Variants in PDE11A observed in about 807,000 individuals in gnomAD.
PDE11A encodes the protein phosphodiesterase 11A.
A neutral mutation model predicts 100.5 loss-of-function variants in PDE11A; 100 were observed. The observed-to-expected ratio is 1.00, with a 90% CI of 0.85 to 1.18. The LOEUF (loss-of-function observed/expected upper bound fraction) is 1.18. Among genes scored for constraint, PDE11A ranks in the 50% most tolerant of loss-of-function variants. The probability of loss-of-function intolerance (pLI) is 0.00; values close to 1 mark genes in which losing one functional copy is unlikely to be tolerated. For missense variants in PDE11A, 1,141 were observed against 1,152.6 expected, an observed-to-expected ratio of 0.99 and a Z score of 0.15; for synonymous variants, 381 against 420.8, an observed-to-expected ratio of 0.91 and a Z score of 1.16.
chr2:178,039,105 G>A (rs1233910749), intron 1 of PDE11A: 1 of 152,000 alleles, frequency 6.6e-6, no homozygotes. Flanking sequence ...CAATAACAAA[G>A]ACATGGAATC....
chr2:177,892,180 C>T (rs1339612172), intron 4 of PDE11A, among the ~76,000 whole-genome samples: 6 of 152,158 alleles, frequency 3.9e-5, no homozygotes, highest in Non-Finnish European at 8.8e-5. Context: ...CTCCCTCATA[C>T]ATTAATGAGT....
intron 16 of PDE11A, 60 bp downstream of exon 16, chr2:177,680,766 A>G: frequency 1.1e-6 from 1 of 936,232 alleles, no homozygotes; most frequent in Non-Finnish European, 1.8e-6. Flanking sequence ...CTGTCAGAAA[A>G]TTTATGTGGA....
chr2:177,821,654 T>A (rs1273263089), intron 6 of PDE11A, among the ~76,000 whole-genome samples: 1 of 151,772 alleles, frequency 6.6e-6, no homozygotes, highest in Non-Finnish European at 1.5e-5. Flanking sequence ...TAAAAAAAAA[T>A]TTTGACAATT....
At chr2:178,072,846 GGGA>G (rs1574384405), upstream of PDE11A, 8 of 1,175,128 alleles carry the variant, frequency 6.8e-6, no homozygotes, top group East Asian at 1.2e-4. Context: ...GGAGCCTGGA[GGGA>G]GGAGAGAAGA....
At chr2:177,652,960 A>C (rs1289261054) in intron 19 of PDE11A, among the ~76,000 whole-genome samples, 1 of 152,122 alleles carries the variant, frequency 6.6e-6, no homozygotes, top group East Asian at 1.9e-4. Context: ...CATATATTTA[A>C]ATGCAAGGCA....
chr2:177,737,793 A>G (rs2081813836), intron 10 of PDE11A, among the ~76,000 whole-genome samples: 1 of 152,234 alleles, frequency 6.6e-6, no homozygotes, highest in South Asian at 2.1e-4. Context: ...ATTATTGTTG[A>G]AAGTCTGATG....
At chr2:177,921,457 T>A (rs931864481) in intron 2 of PDE11A, among the ~76,000 whole-genome samples, 1 of 150,680 alleles carries the variant, frequency 6.6e-6, no homozygotes, top group African/African-American at 2.4e-5. Flanking sequence ...TTTTGCATAA[T>A]TCTCATCTAA....
rs869059416 is a variant in PDE11A, at chr2:177,631,291, CAAAAA to C, written c.2647-1734_2647-1730del. ...TGAAACCTCATCTCTACTAAAAATG[CAAAAA>C]AAAAAAAAAAAAAACAAAAAAAAAA... On this transcript the variant is annotated intron_variant, in intron 19 of 19. Transcript: ENST00000286063. 3.0e-3 allele frequency among the ~76,000 whole-genome samples: 35 copies of C among 11,858 alleles called. 1 individual carries two copies. The highest frequency in any genetic ancestry group is 7.4e-3 in the African/African-American group (33 of 4,472). The allele number at this position is 11,858 out of a possible 152,430, so 7.8% of individuals were successfully genotyped here.
At chr2:177,891,960 T>C (rs909526376) in intron 4 of PDE11A, among the ~76,000 whole-genome samples, 1 of 152,190 alleles carries the variant, frequency 6.6e-6, no homozygotes, top group Non-Finnish European at 1.5e-5. Flanking sequence ...AGACTCCAGA[T>C]TTAGTGAAAT....
intron 1 of PDE11A, among the ~76,000 whole-genome samples, chr2:178,035,293 C>T (rs937031560): frequency 6.6e-6 from 1 of 152,240 alleles, no homozygotes; most frequent in East Asian, 1.9e-4. Flanking sequence ...TGACAAATTC[C>T]TGGACACATA....
At chr2:177,942,759 T>C (rs1394656519) in intron 2 of PDE11A, among the ~76,000 whole-genome samples, 1 of 152,220 alleles carries the variant, frequency 6.6e-6, no homozygotes, top group Non-Finnish European at 1.5e-5. Context: ...ATCTTAACCA[T>C]TTTTAAGTCT....
intron 9 of PDE11A, among the ~76,000 whole-genome samples, chr2:177,790,463 C>G (rs1415690825): frequency 6.6e-6 from 1 of 151,772 alleles, no homozygotes; most frequent in Non-Finnish European, 1.5e-5. Flanking sequence ...CATTACCATT[C>G]AGGACATAGG....
In PDE11A at chr2:177,711,827, C is replaced by A; in HGVS notation, c.2095G>T (p.Val699Leu). Residue 699 changes from valine (V) to leucine (L), a missense_variant, in exon 13 of 20, where the codon GTG becomes TTG. Val to Leu is a conservative substitution (Grantham distance 32). Transcript: ENST00000286063. Reference sequence around the variant, plus strand: ...TCGAGGTCATGACACAGGCATCCCACAATCACCGCTAAAATTTCCACCTCG... The same window carrying A: ...TCGAGGTCATGACACAGGCATCCCAAAATCACCGCTAAAATTTCCACCTCG... ...LTEVEILAVI[V>L]GCLCHDLDHR... 6.2e-7 allele frequency: 1 copy of A among 1,613,348 alleles called. No homozygotes were observed. The highest frequency in any genetic ancestry group is 8.5e-7 in the Non-Finnish European group (1 of 1,179,312).
intron 9 of PDE11A, among the ~76,000 whole-genome samples, chr2:177,795,032 G>A (rs1434582032): frequency 6.6e-6 from 1 of 152,044 alleles, no homozygotes; most frequent in African/African-American, 2.4e-5. Flanking sequence ...TGATCCACCT[G>A]CCTCGGCCTC....
chr2:177,950,074 T>C (rs955479860), intron 2 of PDE11A, among the ~76,000 whole-genome samples: 20 of 152,258 alleles, frequency 1.3e-4, no homozygotes, highest in African/African-American at 4.6e-4. Flanking sequence ...CTTACAATAA[T>C]GTTGCATTCA....
chr2:177,794,291 G>A (rs2082674675), intron 9 of PDE11A, among the ~76,000 whole-genome samples: 1 of 152,212 alleles, frequency 6.6e-6, no homozygotes, highest in South Asian at 2.1e-4. Context: ...TAGGGTGCAA[G>A]TGCAAAGGTC....
intron 4 of PDE11A, among the ~76,000 whole-genome samples, chr2:177,895,116 A>G (rs1192906775): frequency 3.3e-5 from 5 of 152,082 alleles, no homozygotes; most frequent in African/African-American, 1.2e-4. Context: ...ACTTGAACTT[A>G]AAATTAAAAA....
At chr2:178,016,968 T>C (rs2086346899) in intron 1 of PDE11A, among the ~76,000 whole-genome samples, 1 of 152,228 alleles carries the variant, frequency 6.6e-6, no homozygotes, top group South Asian at 2.1e-4. Flanking sequence ...CATTGGCCAC[T>C]ATTTAGCACT....
intron 19 of PDE11A, among the ~76,000 whole-genome samples, chr2:177,653,888 G>A (rs2080344641): frequency 6.6e-6 from 1 of 152,146 alleles, no homozygotes; most frequent in Non-Finnish European, 1.5e-5. Flanking sequence ...CCTAACTCCT[G>A]AGCCTCTCAG....
Sources: allele counts gnomAD v4.1 joint callset (sites outside exome capture counted in the v4.1 genomes callset), GRCh38; gene constraint gnomAD v4.1.1; transcripts MANE v1.5; gene names NCBI Gene and HGNC (gene_info 2026-07-23, HGNC 2026-07-21).